CEP85L: variants seen among roughly 807,000 people sequenced by gnomAD.
The protein encoded by CEP85L is centrosomal protein of 85 kDa-like.
A neutral mutation model predicts 100.3 loss-of-function variants in CEP85L; 60 were observed. The ratio of observed to expected loss-of-function variants is 0.60; its 90% CI spans 0.49 to 0.74. The LOEUF (loss-of-function observed/expected upper bound fraction) is 0.74, where lower values mean the gene tolerates loss of function less well. CEP85L is among the 30% of genes least tolerant of loss of function. The pLI, the probability that CEP85L is intolerant of heterozygous loss-of-function variation, is 0.00. For synonymous variants in CEP85L, 319 were observed against 322.7 expected, an observed-to-expected ratio of 0.99 and a Z score of 0.12; for missense variants, 973 against 936.2, an observed-to-expected ratio of 1.04 and a Z score of -0.51.
intron 3 of CEP85L, among the ~76,000 whole-genome samples, chr6:118,556,861 C>A (rs941716566): frequency 6.6e-6 from 1 of 152,128 alleles, no homozygotes; most frequent in South Asian, 2.1e-4. Context: ...TATCTCTGGA[C>A]AGTTAATACA....
intron 2 of CEP85L, among the ~76,000 whole-genome samples, chr6:118,585,894 C>A (rs1053250084): frequency 2.0e-5 from 3 of 152,186 alleles, no homozygotes; most frequent in Non-Finnish European, 4.4e-5. Flanking sequence ...AAAGGGCATT[C>A]AATACCTGCT....
intron 1 of CEP85L, among the ~76,000 whole-genome samples, chr6:118,650,206 T>G (rs1023007324): frequency 3.3e-5 from 5 of 152,110 alleles, no homozygotes; most frequent in African/African-American, 1.2e-4. Context: ...TAGGGAAAAT[T>G]TTGCGTATGT....
chr6:118,660,212 T>C (rs1775926018), intron 1 of CEP85L, among the ~76,000 whole-genome samples: 1 of 152,234 alleles, frequency 6.6e-6, no homozygotes. Flanking sequence ...GGTACACATG[T>C]GGGCATTTGC....
In CEP85L at chr6:118,518,420, T is replaced by C. The variant is rs138955200; in HGVS notation, c.1139+5382A>G. Among the ~76,000 whole-genome samples the C allele has an allele frequency of 4.0e-4, 61 of 152,344 alleles. 1 individual carries two copies. In the East Asian group the frequency reaches 0.011, roughly 28 times the overall value. On this transcript the variant is annotated intron_variant, in intron 4 of 12. Coordinates refer to ENST00000368491, the MANE Select transcript of CEP85L (RefSeq NM_001042475.3). ...CCTCAATTTCAGAACTTGTTATTGA[T>C]CCATTCAGGGATTTGACTTCTTCCT...
intron 1 of CEP85L, among the ~76,000 whole-genome samples, chr6:118,703,005 A>G (rs889073305): frequency 1.3e-4 from 20 of 151,810 alleles, no homozygotes; most frequent in East Asian, 3.9e-4. Flanking sequence ...CAAAAAAAAA[A>G]AAAAAAAAAA....
intron 1 of CEP85L, among the ~76,000 whole-genome samples, chr6:118,665,926 T>C (rs1005615055): frequency 9.2e-5 from 14 of 152,162 alleles, no homozygotes; most frequent in Non-Finnish European, 1.8e-4. Flanking sequence ...TTGTGTTCCC[T>C]TTTGCTATAT....
At chr6:118,468,377 T>C (rs1344939605) in intron 12 of CEP85L, among the ~76,000 whole-genome samples, 1 of 152,204 alleles carries the variant, frequency 6.6e-6, no homozygotes, top group Non-Finnish European at 1.5e-5. Flanking sequence ...TGCATTCCTA[T>C]TTCCTTCCAA....
At chr6:118,587,579 T>G (rs552537624) in intron 2 of CEP85L, among the ~76,000 whole-genome samples, 2 of 152,178 alleles carry the variant, frequency 1.3e-5, no homozygotes, top group South Asian at 4.1e-4. Context: ...GACTATAATG[T>G]AAAAAATAAC....
intron 1 of CEP85L, among the ~76,000 whole-genome samples, chr6:118,668,986 A>C (rs1776214559): frequency 6.6e-6 from 1 of 152,242 alleles, no homozygotes; most frequent in Non-Finnish European, 1.5e-5. Context: ...GATTTGCAGA[A>C]GTAAACAAAC....
rs1004414189 is a variant in CEP85L, at chr6:118,484,302, C to T, written c.1438-444G>A. 3.3e-5 allele frequency among the ~76,000 whole-genome samples: 5 copies of T among 152,042 alleles called. No homozygotes were observed. In the South Asian group the frequency reaches 8.3e-4, roughly 25 times the overall value. Reference sequence around the variant, plus strand: ...CTGCACTCCTGCCTGGGTGATAGAGCGAGACTTTGTCTCAATTTAAACAAA... The same window carrying T: ...CTGCACTCCTGCCTGGGTGATAGAGTGAGACTTTGTCTCAATTTAAACAAA... On this transcript the variant is annotated intron_variant, in intron 6 of 12. Coordinates refer to ENST00000368491, the MANE Select transcript of CEP85L (RefSeq NM_001042475.3).
intron 7 of CEP85L, 57 bp downstream of exon 7, chr6:118,483,647 TAG>T (rs1241325552): frequency 2.6e-6 from 4 of 1,516,516 alleles, no homozygotes; most frequent in South Asian, 2.5e-5. Context: ...GCCAAATTTC[TAG>T]AGTCAAGTTA....
chr6:118,643,470 T>C (rs939083311), intron 1 of CEP85L, among the ~76,000 whole-genome samples: 1 of 152,224 alleles, frequency 6.6e-6, no homozygotes, highest in Non-Finnish European at 1.5e-5. Context: ...CTATAGTTCA[T>C]TTCAGAACTC....
Position 118,651,508 on chromosome 6 carries a change from G to A in CEP85L, c.-239C>T. The stretch of plus-strand genomic sequence containing the variant: ...GGGCTGAGGCCCGCGCCGGGGAAGC[G>A]GCGACTCGGCGGTGACGGCTGCTAG... On this transcript the variant is annotated 5_prime_UTR_variant, in exon 1 of 13. Coordinates refer to ENST00000368491, the MANE Select transcript of CEP85L (RefSeq NM_001042475.3). The A allele has an allele frequency of 1.6e-6, 2 of 1,267,596 alleles. No homozygotes were observed. Among genetic ancestry groups the A allele is most frequent in the Non-Finnish European group, 2.0e-6 (2 of 1,007,186 alleles). 78.5% of individuals were successfully genotyped at this position (1,267,596 alleles called of 1,614,324 possible). A position where few individuals can be genotyped will look rare whatever the true frequency, so the allele number is the denominator to read the frequency against.
intron 1 of CEP85L, among the ~76,000 whole-genome samples, chr6:118,705,926 A>G (rs957162367): frequency 6.6e-6 from 1 of 152,236 alleles, no homozygotes; most frequent in African/African-American, 2.4e-5. Context: ...TCTTGCATTT[A>G]TGCAATGCCT....
chr6:118,656,547 A>G (rs550501469), upstream of CEP85L, among the ~76,000 whole-genome samples: 5 of 152,224 alleles, frequency 3.3e-5, no homozygotes, highest in Non-Finnish European at 7.3e-5. Context: ...AGACCTTGAT[A>G]TTCAGCCATG....
At chr6:118,593,108 C>T (rs1781280543) in intron 2 of CEP85L, among the ~76,000 whole-genome samples, 1 of 152,054 alleles carries the variant, frequency 6.6e-6, no homozygotes, top group Non-Finnish European at 1.5e-5. Context: ...GGAAAAGAGA[C>T]AGAGCCCCTG....
At chr6:118,481,249 T>C (rs1478649534) in intron 8 of CEP85L, among the ~76,000 whole-genome samples, 1 of 152,016 alleles carries the variant, frequency 6.6e-6, no homozygotes, top group East Asian at 1.9e-4. Context: ...CTTTTTTTTT[T>C]TTATAAAGCC....
rs17080445 is a variant in CEP85L, at chr6:118,659,989, C to T, written c.-27-7181G>A. On this transcript the variant is annotated intron_variant, in intron 1 of 13. Coordinates refer to the CEP85L transcript ENST00000368488. ...ATTTTTTTAAAAGAATTTTTATCTT[C>T]CCACATACCAACTTTTAGAACAGAT... 8.4e-3 allele frequency among the ~76,000 whole-genome samples: 1,284 copies of T among 152,330 alleles called. 16 individuals are homozygous for T. Among genetic ancestry groups the T allele is most frequent in the African/African-American group, 0.03 (1,239 of 41,574 alleles).
chr6:118,482,776 G>A (rs1773882974), intron 7 of CEP85L, among the ~76,000 whole-genome samples: 1 of 152,100 alleles, frequency 6.6e-6, no homozygotes, highest in Non-Finnish European at 1.5e-5. Flanking sequence ...GCAACCTCCT[G>A]CAGTCCTTAA....
Sources: gnomAD v4.1 joint callset for allele counts (sites outside exome capture counted in the v4.1 genomes callset) on GRCh38, gnomAD v4.1.1 for gene constraint, MANE v1.5 for transcripts, NCBI Gene and HGNC (gene_info 2026-07-23, HGNC 2026-07-21) for gene names.